PRKG1: variants seen among roughly 807,000 people sequenced by gnomAD.
PRKG1 encodes the protein cGMP-dependent protein kinase 1.
A neutral mutation model predicts 88.1 loss-of-function variants in PRKG1; 35 were observed. The observed-to-expected ratio is 0.40, with a 90% CI of 0.30 to 0.53. PRKG1 has a LOEUF of 0.53. Ranked by LOEUF, PRKG1 falls within the 20% of genes least tolerant of loss-of-function variation. The pLI, the probability that PRKG1 is intolerant of heterozygous loss-of-function variation, is 0.59. For synonymous variants in PRKG1, 303 were observed against 292.5 expected (o/e 1.04, Z -0.37); for missense variants, 540 against 839.8 (o/e 0.64, Z 4.41).
At chr10:51,628,024 TTC>T (rs1839407173) in intron 3 of PRKG1, among the ~76,000 whole-genome samples, 1 of 134,990 alleles carries the variant, frequency 7.4e-6, no homozygotes, top group Non-Finnish European at 1.6e-5. Flanking sequence ...CTTTCTTTCT[TTC>T]TTTCTTTCTT....
intron 5 of PRKG1, among the ~76,000 whole-genome samples, chr10:52,040,840 T>C (rs1480975276): frequency 2.1e-5 from 3 of 143,338 alleles, no homozygotes; most frequent in Admixed American, 7.1e-5. Flanking sequence ...TTCTTTTTTT[T>C]TTTTTTTTTT....
rs538478787 is a variant in PRKG1, at chr10:51,114,404, G to A, written c.312-38760G>A. ...AAGAAAGTCAGTCAGCAATTTGTCA[G>A]TTGTATTGATTGTCTGCTACCCATG... On this transcript the variant is annotated intron_variant, in intron 1 of 17. Transcript: ENST00000373980. Among the ~76,000 whole-genome samples, 5 of 150,792 alleles carry A rather than the reference G, an allele frequency of 3.3e-5. No individual in the cohort carries two copies. In the South Asian group the frequency reaches 1.1e-3, roughly 32 times the overall value.
chr10:51,422,104 C>T (rs992520486), intron 2 of PRKG1, among the ~76,000 whole-genome samples: 2 of 152,168 alleles, frequency 1.3e-5, no homozygotes, highest in African/African-American at 4.8e-5. Context: ...AGTTCATCTA[C>T]TTACCAGGGC....
chr10:51,908,711 C>CTATCTATCTATCTA (rs59212192), intron 5 of PRKG1: 41 of 144,818 alleles, frequency 2.8e-4, no homozygotes, highest in Middle Eastern at 3.6e-3. Context: ...CTCTCTCTCT[C>CTATCTATCTATCTA]TCTGTCTATC....
At chr10:52,016,579 T>C (rs375406862) in intron 5 of PRKG1, among the ~76,000 whole-genome samples, 1 of 152,206 alleles carries the variant, frequency 6.6e-6, no homozygotes, top group East Asian at 1.9e-4. Context: ...AATGTGGTTA[T>C]TGGGGAAACA....
chr10:51,282,579 T>G (rs1840328831), intron 2 of PRKG1, among the ~76,000 whole-genome samples: 1 of 152,198 alleles, frequency 6.6e-6, no homozygotes, highest in African/African-American at 2.4e-5. Context: ...GCTGGGAATC[T>G]ATAGTTTGTT....
chr10:51,488,499 T>C (rs1483871625), intron 3 of PRKG1, among the ~76,000 whole-genome samples: 1 of 152,168 alleles, frequency 6.6e-6, no homozygotes, highest in Non-Finnish European at 1.5e-5. Context: ...AAATATTTTA[T>C]TTGGCTGATG....
At chr10:51,034,667 T>TC (rs1491324041) in intron 1 of PRKG1, among the ~76,000 whole-genome samples, 4 of 18,184 alleles carry the variant, frequency 2.2e-4, no homozygotes, top group African/African-American at 5.0e-4. Context: ...TAATATGTTA[T>TC]TTATATATAT....
At chr10:51,788,336 C>T (rs543945530) in intron 3 of PRKG1, among the ~76,000 whole-genome samples, 9 of 152,070 alleles carry the variant, frequency 5.9e-5, no homozygotes, top group Non-Finnish European at 1.2e-4. Context: ...TATGTGTCTT[C>T]CAGACTAGAA....
chr10:51,701,385 T>G (rs1317194502), intron 3 of PRKG1, among the ~76,000 whole-genome samples: 1 of 152,356 alleles, frequency 6.6e-6, no homozygotes, highest in African/African-American at 2.4e-5. Context: ...AAATAAGACA[T>G]CCATTTACCT....
chr10:51,955,496 A>T (rs1843281906), intron 5 of PRKG1, among the ~76,000 whole-genome samples: 1 of 152,208 alleles, frequency 6.6e-6, no homozygotes, highest in African/African-American at 2.4e-5. Flanking sequence ...TCAATTTCTT[A>T]CTACATGCAT....
At chr10:51,523,835 C>T (rs1047579302) in intron 3 of PRKG1, among the ~76,000 whole-genome samples, 1 of 152,128 alleles carries the variant, frequency 6.6e-6, no homozygotes, top group Non-Finnish European at 1.5e-5. Context: ...ATAATGATTT[C>T]CATAGTTTAA....
At chr10:52,177,551 T>A (rs562335423) in intron 9 of PRKG1, among the ~76,000 whole-genome samples, 21 of 152,246 alleles carry the variant, frequency 1.4e-4, no homozygotes, top group African/African-American at 4.8e-4. Flanking sequence ...CCACTTCCAT[T>A]TTTGGAATAT....
chr10:52,105,370 A>G (rs1313390603), intron 7 of PRKG1, among the ~76,000 whole-genome samples: 1 of 152,198 alleles, frequency 6.6e-6, no homozygotes, highest in Non-Finnish European at 1.5e-5. Context: ...AGAAGTTGGT[A>G]AGAGATAAAC....
chr10:51,030,954 C>T (rs1007008720), intron 1 of PRKG1, among the ~76,000 whole-genome samples: 39 of 152,230 alleles, frequency 2.6e-4, no homozygotes, highest in African/African-American at 9.1e-4. Flanking sequence ...AACAAAACTA[C>T]CTCTCAGTTT....
intron 4 of PRKG1, among the ~76,000 whole-genome samples, chr10:51,811,156 T>C (rs1461576793): frequency 6.6e-6 from 1 of 152,150 alleles, no homozygotes; most frequent in Non-Finnish European, 1.5e-5. Flanking sequence ...CTCCAGTTCA[T>C]AGTTTGTTTT....
intron 5 of PRKG1, among the ~76,000 whole-genome samples, chr10:51,978,466 A>C (rs1843907729): frequency 2.1e-5 from 3 of 140,716 alleles, no homozygotes; most frequent in Admixed American, 2.1e-4. Flanking sequence ...CTCCCTATGA[A>C]TTTTTAAACA....
chr10:51,754,008 A>G (rs1412334916), intron 3 of PRKG1, among the ~76,000 whole-genome samples: 2 of 152,014 alleles, frequency 1.3e-5, no homozygotes, highest in Non-Finnish European at 2.9e-5. Context: ...TCACTGTAAC[A>G]TGGACTCTTG....
intron 3 of PRKG1, among the ~76,000 whole-genome samples, chr10:51,662,054 A>G (rs1564595389): frequency 6.6e-6 from 1 of 152,086 alleles, no homozygotes; most frequent in Non-Finnish European, 1.5e-5. Flanking sequence ...AGAGCAGGGA[A>G]CATCACACAC....
Sources: allele counts gnomAD v4.1 joint callset (sites outside exome capture counted in the v4.1 genomes callset), GRCh38; gene constraint gnomAD v4.1.1; transcripts MANE v1.5; gene names NCBI Gene and HGNC (gene_info 2026-07-23, HGNC 2026-07-21).